NTRK2: variants seen among roughly 807,000 people sequenced by gnomAD.
NTRK2 encodes the protein BDNF/NT-3 growth factors receptor.
In NTRK2, 13 loss-of-function variants were observed where a neutral mutation model predicts 94.5. The observed-to-expected ratio is 0.14, with a 90% confidence interval of 0.09 to 0.22. NTRK2 has a LOEUF of 0.22. NTRK2 is among the 10% of genes least tolerant of loss of function. The pLI, the probability that NTRK2 is intolerant of heterozygous loss-of-function variation, is 1.00. For missense variants in NTRK2, 639 were observed against 1,071.2 expected (o/e 0.60, Z 5.63); for synonymous variants, 372 against 407.4 (o/e 0.91, Z 1.05).
At position 85,021,370 on chromosome 9, in the gene NTRK2, A is replaced by G. The variant is rs2118014056; in HGVS notation, c.2450A>G (p.Lys817Arg). 6.2e-7 allele frequency: 1 copy of G among 1,614,200 alleles called. No homozygotes were observed. Among genetic ancestry groups the G allele is most frequent in the South Asian group, 1.1e-5 (1 of 91,086 alleles). Residue 817 changes from lysine (K) to arginine (R), a missense_variant, in exon 19 of 19, where the codon AAG becomes AGG. Lys to Arg is a conservative substitution (Grantham distance 26, BLOSUM62 2). Around this residue, in one of 5 missense-constraint regions of NTRK2, gnomAD observed 77 missense variants for 203.6 expected, o/e 0.38. Coordinates refer to ENST00000277120, the MANE Select transcript of NTRK2 (RefSeq NM_006180.6). ...GAGCCCCACATGAGGAAGAACATCA[A>G]GGGCATCCATACCCTCCTTCAGAAC... ...QREPHMRKNI[K>R]GIHTLLQNLA...
At chr9:84,710,570 T>C in intron 5 of NTRK2, 67 bp from the exon 6 acceptor site, 1 of 1,531,260 alleles carries the variant, frequency 6.5e-7, no homozygotes, top group Non-Finnish European at 9.0e-7. Context: ...TTGTAGTATT[T>C]TACAAGCACT....
chr9:84,862,390 A>C (rs189207213), intron 13 of NTRK2, among the ~76,000 whole-genome samples: 1 of 152,206 alleles, frequency 6.6e-6, no homozygotes, highest in Non-Finnish European at 1.5e-5. Context: ...CTCCCATGAC[A>C]GTCCTATAAG....
At chr9:84,887,616 T>C (rs1048944119) in intron 14 of NTRK2, among the ~76,000 whole-genome samples, 3 of 152,276 alleles carry the variant, frequency 2.0e-5, no homozygotes, top group African/African-American at 7.2e-5. Context: ...GGATTCTTCA[T>C]GCAGCAAGAC....
intron 12 of NTRK2, among the ~76,000 whole-genome samples, chr9:84,824,005 G>T (rs1465479951): frequency 6.6e-6 from 1 of 152,178 alleles, no homozygotes; most frequent in African/African-American, 2.4e-5. Flanking sequence ...GACAGTGGGG[G>T]AGGAGCTAAG....
intron 12 of NTRK2, among the ~76,000 whole-genome samples, chr9:84,779,710 A>G (rs187587587): frequency 6.6e-6 from 1 of 152,254 alleles, no homozygotes. Context: ...CTGTGTGCTG[A>G]TGATATTGTT....
At chr9:84,982,362 A>G (rs1368421607) in intron 17 of NTRK2, among the ~76,000 whole-genome samples, 1 of 152,188 alleles carries the variant, frequency 6.6e-6, no homozygotes, top group Non-Finnish European at 1.5e-5. Flanking sequence ...TAATGAAGAA[A>G]CAGATCTATC....
rs559449746 is a variant in NTRK2 at position 84,865,293 on chromosome 9, G to A, written c.1445-1950G>A. Among the ~76,000 whole-genome samples the A allele has an allele frequency of 3.3e-5, 5 of 152,216 alleles. No homozygotes were observed. The East Asian group carries it at 5.8e-4, about 18-fold the overall frequency. ...GAGGACTTGTTTGCAGAATTGAGCC[G>A]GAGCGCATCATTAAAGGCAGCTTCA... On this transcript the variant is annotated intron_variant, in intron 13 of 18. Transcript: ENST00000277120.
intron 12 of NTRK2, among the ~76,000 whole-genome samples, chr9:84,838,432 A>G (rs1193621756): frequency 6.6e-6 from 1 of 152,094 alleles, no homozygotes; most frequent in Non-Finnish European, 1.5e-5. Context: ...TTAAGAAAAA[A>G]TGTACAATAT....
chr9:84,780,147 A>T (rs2067428174), intron 12 of NTRK2, among the ~76,000 whole-genome samples: 1 of 151,940 alleles, frequency 6.6e-6, no homozygotes, highest in Non-Finnish European at 1.5e-5. Flanking sequence ...ACAAGGGAAG[A>T]AAAAAAACCT....
At chr9:84,817,541 C>A (rs973957376) in intron 12 of NTRK2, among the ~76,000 whole-genome samples, 2 of 152,188 alleles carry the variant, frequency 1.3e-5, no homozygotes, top group African/African-American at 4.8e-5. Context: ...GGAGAAATAG[C>A]TCTGAATGTC....
At chr9:84,879,265 C>G (rs2076184625) in intron 14 of NTRK2, among the ~76,000 whole-genome samples, 1 of 151,760 alleles carries the variant, frequency 6.6e-6, no homozygotes, top group African/African-American at 2.4e-5. Context: ...CTCAGTAAGT[C>G]TGAGAAATAA....
intron 4 of NTRK2, among the ~76,000 whole-genome samples, chr9:84,706,521 GTTTTTGTTTTTTTTTTT>G (rs2061087769): frequency 1.0e-5 from 1 of 95,336 alleles, no homozygotes. Context: ...GTTATTTTTT[GTTTTTGTTTTTTTTTTT>G]TTTTTTTTTG....
At chr9:84,798,300 CA>C (rs2069877588) in intron 12 of NTRK2, among the ~76,000 whole-genome samples, 1 of 152,128 alleles carries the variant, frequency 6.6e-6, no homozygotes, top group African/African-American at 2.4e-5. Flanking sequence ...CTGTTAATAT[CA>C]TCACACTGGG....
chr9:84,776,228 A>T (rs565344168), intron 12 of NTRK2, among the ~76,000 whole-genome samples: 16 of 151,854 alleles, frequency 1.1e-4, no homozygotes, highest in East Asian at 9.7e-4. Flanking sequence ...TTATTTATTT[A>T]TTTTTTCTTT....
At chr9:84,861,235 A>G in intron 13 of NTRK2, 148 bp downstream of exon 13, 1 of 668,246 alleles carries the variant, frequency 1.5e-6, no homozygotes. Flanking sequence ...GTAGGTCTAG[A>G]ATTTTTCCAG....
chr9:85,018,449 C>T (rs1832474618), intron 17 of NTRK2, among the ~76,000 whole-genome samples: 1 of 152,192 alleles, frequency 6.6e-6, no homozygotes, highest in Admixed American at 6.5e-5. Context: ...AGCATCCCTG[C>T]ATGGCCCAAA....
chr9:84,889,682 G>A (rs1288824901), intron 14 of NTRK2, among the ~76,000 whole-genome samples: 1 of 152,196 alleles, frequency 6.6e-6, no homozygotes, highest in East Asian at 1.9e-4. Context: ...CAAAGTGCTA[G>A]GATTACTGGC....
At chr9:84,737,023 C>G (rs897030696) in intron 9 of NTRK2, among the ~76,000 whole-genome samples, 2 of 152,180 alleles carry the variant, frequency 1.3e-5, no homozygotes, top group African/African-American at 4.8e-5. Context: ...TTGTAATTGC[C>G]TTATCATATG....
chr9:84,871,961 C>T, intron 14 of NTRK2: 3 of 1,582,864 alleles, frequency 1.9e-6, no homozygotes, highest in Non-Finnish European at 2.6e-6. Context: ...GCTTCCATAA[C>T]CTAGCCAAGC....
Sources: gnomAD v4.1 joint callset for allele counts (sites outside exome capture counted in the v4.1 genomes callset) on GRCh38, gnomAD v4.1.1 for gene constraint, gnomAD v4.1.1 regional missense constraint, MANE v1.5 for transcripts, NCBI Gene and HGNC (gene_info 2026-07-23, HGNC 2026-07-21) for gene names.